The following GFRA3 variants were observed in gnomAD, a reference collection of about 807,000 sequenced individuals.
GFRA3 encodes GDNF family receptor alpha 3, also known as GDNF family receptor alpha-3.
A neutral mutation model predicts 40.0 loss-of-function variants in GFRA3; 24 were observed. The observed-to-expected ratio is 0.60, with a 90% CI of 0.43 to 0.84. The LOEUF is 0.84. Among genes scored for constraint, GFRA3 ranks in the 40% least tolerant of loss-of-function variants. The pLI, the probability that GFRA3 is intolerant of heterozygous loss-of-function variation, is 0.00. For synonymous variants in GFRA3, 203 were observed against 213.5 expected, an observed-to-expected ratio of 0.95 and a Z score of 0.43; for missense variants, 405 against 530.6, an observed-to-expected ratio of 0.76 and a Z score of 2.33.
chr5:138,259,434 T>G lies in GFRA3; in HGVS notation c.472+123A>C, dbSNP rs1397029129. Reference sequence around the variant, plus strand: ...ACTTCCAGCCTGACACAGTCTTCCTTAGTCACCTGGTAGGCTAGAAACATT... The same window carrying G: ...ACTTCCAGCCTGACACAGTCTTCCTGAGTCACCTGGTAGGCTAGAAACATT... On this transcript the variant is annotated intron_variant, in intron 3 of 7. Transcript: ENST00000274721. 5.9e-6 allele frequency: 4 copies of G among 682,296 alleles called. No individual in the cohort carries two copies. The Admixed American group carries it at 8.2e-5, about 14-fold the overall frequency. 42.3% of individuals were successfully genotyped at this position (682,296 alleles called of 1,614,324 possible).
At chr5:138,255,295 A>C (rs1755611538) in intron 4 of GFRA3, among the ~76,000 whole-genome samples, 1 of 152,226 alleles carries the variant, frequency 6.6e-6, no homozygotes, top group Admixed American at 6.6e-5. Context: ...AAGATAGTTT[A>C]CAGATGAGGA....
chr5:138,272,340 T>C (rs1260172272), intron 1 of GFRA3, among the ~76,000 whole-genome samples: 1 of 150,932 alleles, frequency 6.6e-6, no homozygotes. Context: ...GTGGCCAACA[T>C]TTAAAAATCA....
Position 138,252,945 on chromosome 5 carries a change from A to C in GFRA3, c.*23T>G. 7.3e-7 allele frequency: 1 copy of C among 1,362,042 alleles called. No homozygotes were observed. The highest frequency in any genetic ancestry group is 1.1e-6 in the Non-Finnish European group (1 of 951,512). The allele number at this position is 1,362,042 out of a possible 1,614,324, so 84.4% of individuals were successfully genotyped here. ...AGTCCACCTGGGTGTGGTGGAGGGG[A>C]AGAGGGCCCTGGGGAAGTCCAGCTA... is the stretch of plus-strand genomic sequence containing the variant. On this transcript the variant is annotated 3_prime_UTR_variant, in exon 8 of 8. Coordinates refer to ENST00000274721, the MANE Select transcript of GFRA3 (RefSeq NM_001496.4).
At position 138,253,920 on chromosome 5, in the gene GFRA3, A is replaced by G. The variant is rs1324502543; in HGVS notation, c.890-20T>C. 1 of 1,611,640 alleles carries G rather than the reference A, an allele frequency of 6.2e-7. No individual in the cohort carries two copies. Among genetic ancestry groups the G allele is most frequent in the Admixed American group, 1.7e-5 (1 of 59,952 alleles). On this transcript the variant is annotated intron_variant, in intron 5 of 7. Transcript: ENST00000274721. ...CAGTCCCTGTGAAGAGGGAAAGGGT[A>G]GTCAAGGCCTAGGCTAACCCTAACT... is the stretch of plus-strand genomic sequence containing the variant.
rs569678446 is a variant in GFRA3 at position 138,253,390 on chromosome 5, G to A, written c.1025-15C>T. On this transcript the variant is annotated splice_polypyrimidine_tract_variant and intron_variant, in intron 6 of 7. Coordinates refer to ENST00000274721, the MANE Select transcript of GFRA3 (RefSeq NM_001496.4). ...AATGGCCTCCGCTGAAGAGAGGAGA[G>A]AAGGCTCATTGGAAGGGTATGGGGG... is the stretch of plus-strand genomic sequence containing the variant. 15 of 1,521,288 alleles carry A rather than the reference G, an allele frequency of 9.9e-6. No homozygotes were observed. The East Asian group carries it at 3.4e-4, about 35-fold the overall frequency. 94.2% of individuals were successfully genotyped at this position (1,521,288 alleles called of 1,614,324 possible).
At chr5:138,270,319 C>A (rs1177471397) in intron 1 of GFRA3, among the ~76,000 whole-genome samples, 1 of 150,714 alleles carries the variant, frequency 6.6e-6, no homozygotes, top group Non-Finnish European at 1.5e-5. Flanking sequence ...TTGCAGTGAG[C>A]CGAGATCACG....
At chr5:138,256,344 C>T (rs902865286) in intron 4 of GFRA3, among the ~76,000 whole-genome samples, 11 of 150,462 alleles carry the variant, frequency 7.3e-5, no homozygotes, top group Admixed American at 4.6e-4. Flanking sequence ...CTGGCTAACA[C>T]GGTGAAACCC....
chr5:138,268,100 C>G (rs921439599), intron 1 of GFRA3, among the ~76,000 whole-genome samples: 5 of 152,040 alleles, frequency 3.3e-5, no homozygotes, highest in African/African-American at 1.2e-4. Flanking sequence ...GCCTGATCAG[C>G]ATGGTGAAAC....
intron 4 of GFRA3, among the ~76,000 whole-genome samples, chr5:138,256,661 G>A (rs140068590): frequency 4.6e-5 from 7 of 151,750 alleles, no homozygotes; most frequent in African/African-American, 1.7e-4. Context: ...TAAAAATCAA[G>A]TTCTTGGCTG....
In GFRA3 at chr5:138,255,813, T is replaced by G. The variant is rs1755617480; in HGVS notation, c.786-1653A>C. 4.0e-5 allele frequency among the ~76,000 whole-genome samples: 6 copies of G among 150,032 alleles called. No individual in the cohort carries two copies. In the Middle Eastern group the frequency reaches 0.014, roughly 345 times the overall value. On this transcript the variant is annotated intron_variant, in intron 4 of 7. Transcript: ENST00000274721. ...TACTCAGGAGGCTGAGGCTGGAGAATCGCTTGAACCCAGGAGATAGAGGTT... is the reference window on the plus strand; with the variant it reads ...TACTCAGGAGGCTGAGGCTGGAGAAGCGCTTGAACCCAGGAGATAGAGGTT...
Position 138,274,429 on chromosome 5 carries a change from A to G in GFRA3, c.-5T>C. On this transcript the variant is annotated 5_prime_UTR_variant, in exon 1 of 8. Coordinates refer to ENST00000274721, the MANE Select transcript of GFRA3 (RefSeq NM_001496.4). ...CGGGTTCAGGGGGCGCACCATGGCG[A>G]GCTGTAGGCGCCGGGCTCCGCGCTC... 1 of 1,300,842 alleles carries G rather than the reference A, an allele frequency of 7.7e-7. No homozygotes were observed. The allele number at this position is 1,300,842 out of a possible 1,614,324, so 80.6% of individuals were successfully genotyped here. A position where few individuals can be genotyped will look rare whatever the true frequency, so the allele number is the denominator to read the frequency against.
Position 138,257,626 on chromosome 5 carries a change from C to T in GFRA3, c.785+13G>A, listed in dbSNP as rs763093591. 4 of 1,603,458 alleles carry T rather than the reference C, an allele frequency of 2.5e-6. No individual in the cohort carries two copies. Among genetic ancestry groups the T allele is most frequent in the South Asian group, 1.1e-5 (1 of 90,240 alleles). On this transcript the variant is annotated intron_variant, in intron 4 of 7. Coordinates refer to ENST00000274721, the MANE Select transcript of GFRA3 (RefSeq NM_001496.4). ...CCTCATCCCTGCCCACCCTGTCCTC[C>T]CAAACTACACACCTGCAAAGCGGGT... is the stretch of plus-strand genomic sequence containing the variant.
chr5:138,263,752 T>G (rs1411845147), intron 2 of GFRA3, among the ~76,000 whole-genome samples: 1 of 152,162 alleles, frequency 6.6e-6, no homozygotes, highest in Non-Finnish European at 1.5e-5. Context: ...AGCAACATAG[T>G]CCGGTAAAAG....
Position 138,274,611 on chromosome 5 carries a change from A to T in GFRA3, c.-187T>A. ...GCGCGCGTCCACACCACGCGCCTCCAGCGCTGGTCCGAGGGACCGCGGGGG... is the reference window on the plus strand; with the variant it reads ...GCGCGCGTCCACACCACGCGCCTCCTGCGCTGGTCCGAGGGACCGCGGGGG... On this transcript the variant is annotated 5_prime_UTR_variant, in exon 1 of 8. Coordinates refer to ENST00000274721, the MANE Select transcript of GFRA3 (RefSeq NM_001496.4). 8.3e-7 allele frequency: 1 copy of T among 1,211,152 alleles called. No individual in the cohort carries two copies. The highest frequency in any genetic ancestry group is 1.0e-6 in the Non-Finnish European group (1 of 975,416). 75.0% of individuals were successfully genotyped at this position (1,211,152 alleles called of 1,614,324 possible). A position where few individuals can be genotyped will look rare whatever the true frequency, so the allele number is the denominator to read the frequency against.
At chr5:138,268,950 AAAAC>A (rs1406168480) in intron 1 of GFRA3, among the ~76,000 whole-genome samples, 2 of 151,960 alleles carry the variant, frequency 1.3e-5, no homozygotes, top group East Asian at 1.9e-4. Context: ...GAAAAAGAAA[AAAAC>A]AAACAATCCC....
Position 138,259,063 on chromosome 5 carries a change from C to T in GFRA3, c.472+494G>A, listed in dbSNP as rs372425572. Among the ~76,000 whole-genome samples the T allele has an allele frequency of 1.1e-4, 16 of 152,286 alleles. No homozygotes were observed. In the East Asian group the frequency reaches 3.1e-3, roughly 29 times the overall value. On this transcript the variant is annotated intron_variant, in intron 3 of 7. Transcript: ENST00000274721. ...TAGCCTCACTTTCCTGAAAAACATG[C>T]AACACAGTCCTTGCCAGACTGATGG... is the stretch of plus-strand genomic sequence containing the variant.
At chr5:138,273,666 C>T (rs897402029) in intron 1 of GFRA3, among the ~76,000 whole-genome samples, 11 of 152,286 alleles carry the variant, frequency 7.2e-5, no homozygotes, top group Middle Eastern at 3.4e-3. Context: ...AGATTCCACA[C>T]ACCCATACCA....
intron 4 of GFRA3, among the ~76,000 whole-genome samples, chr5:138,256,940 C>G (rs2126612156): frequency 1.5e-5 from 1 of 65,702 alleles, no homozygotes; most frequent in South Asian, 7.5e-4. Flanking sequence ...GAAGGGGACT[C>G]TGTCTCAAAA....
At chr5:138,271,343 A>G (rs1198750971) in intron 1 of GFRA3, among the ~76,000 whole-genome samples, 1 of 152,130 alleles carries the variant, frequency 6.6e-6, no homozygotes, top group Admixed American at 6.6e-5. Context: ...TTCAAAAGAA[A>G]ACAATTTCTT....
Sources: allele counts gnomAD v4.1 joint callset (sites outside exome capture counted in the v4.1 genomes callset), GRCh38; gene constraint gnomAD v4.1.1; transcripts MANE v1.5; gene names NCBI Gene and HGNC (gene_info 2026-07-23, HGNC 2026-07-21).